Variants in CLYBL observed in about 807,000 individuals in gnomAD.
CLYBL encodes the protein citramalyl-CoA lyase, mitochondrial.
A neutral mutation model predicts 38.9 loss-of-function variants in CLYBL; 31 were observed. That is an observed-to-expected ratio of 0.80 (90% CI 0.60 to 1.08). The LOEUF is 1.08. Ranked by LOEUF, CLYBL falls within the 50% of genes least tolerant of loss-of-function variation. The pLI is 0.00. For missense variants in CLYBL, 434 were observed against 411.6 expected, an observed-to-expected ratio of 1.05 and a Z score of -0.47; for synonymous variants, 171 against 158.6, an observed-to-expected ratio of 1.08 and a Z score of -0.59.
intron 1 of CLYBL, among the ~76,000 whole-genome samples, chr13:99,610,142 A>G (rs1315114195): frequency 6.6e-6 from 1 of 152,090 alleles, no homozygotes; most frequent in Non-Finnish European, 1.5e-5. Flanking sequence ...GGTTCAAATG[A>G]TTTTCTTGCC....
chr13:99,840,168 C>T (rs761872710), intron 2 of CLYBL, among the ~76,000 whole-genome samples: 2 of 151,676 alleles, frequency 1.3e-5, no homozygotes, highest in Non-Finnish European at 2.9e-5. Context: ...CTGCGATGGT[C>T]AGAGACACCA....
intron 1 of CLYBL, among the ~76,000 whole-genome samples, chr13:99,697,515 G>A (rs1057411593): frequency 1.3e-5 from 2 of 151,634 alleles, no homozygotes; most frequent in African/African-American, 2.4e-5. Context: ...TTACAGGCAC[G>A]TGCCACCACA....
chr13:99,841,745 A>C (rs1594215173), intron 2 of CLYBL, among the ~76,000 whole-genome samples: 1 of 151,968 alleles, frequency 6.6e-6, no homozygotes, highest in Non-Finnish European at 1.5e-5. Flanking sequence ...GAACCTTCCT[A>C]AATAAGACCC....
At chr13:99,613,031 A>T (rs897016047) in intron 1 of CLYBL, among the ~76,000 whole-genome samples, 1 of 90,086 alleles carries the variant, frequency 1.1e-5, no homozygotes, top group African/African-American at 5.8e-5. Context: ...TGATGATAAT[A>T]ATAATAATAA....
chr13:99,782,506 G>A (rs1321577291), intron 2 of CLYBL, among the ~76,000 whole-genome samples: 2 of 151,754 alleles, frequency 1.3e-5, no homozygotes, highest in East Asian at 3.9e-4. Flanking sequence ...CTCTGTCTTG[G>A]GGGGAAAAAA....
chr13:99,824,270 A>T (rs896675315), intron 2 of CLYBL, among the ~76,000 whole-genome samples: 5 of 71,130 alleles, frequency 7.0e-5, no homozygotes, highest in African/African-American at 2.1e-4. Flanking sequence ...CCCCCCACCC[A>T]CCCCCAGCTA....
intron 1 of CLYBL, among the ~76,000 whole-genome samples, chr13:99,688,437 A>G (rs747180122): frequency 2.3e-4 from 35 of 152,204 alleles, no homozygotes; most frequent in Non-Finnish European, 4.7e-4. Flanking sequence ...GATTGCCTTA[A>G]ATGTATTGCC....
At chr13:99,748,633 G>T (rs1398590605) in intron 1 of CLYBL, among the ~76,000 whole-genome samples, 1 of 150,808 alleles carries the variant, frequency 6.6e-6, no homozygotes, top group Non-Finnish European at 1.5e-5. Context: ...TAGAGATGGG[G>T]TTTCACCATG....
chr13:99,770,536 C>T (rs367703098), intron 1 of CLYBL, among the ~76,000 whole-genome samples: 1 of 152,074 alleles, frequency 6.6e-6, no homozygotes, highest in Non-Finnish European at 1.5e-5. Flanking sequence ...CGAGGATATT[C>T]TGGATCTCCT....
chr13:99,688,550 G>A (rs1414403086), intron 1 of CLYBL, among the ~76,000 whole-genome samples: 2 of 150,994 alleles, frequency 1.3e-5, no homozygotes, highest in East Asian at 3.9e-4. Flanking sequence ...ATCTGAATTA[G>A]CATATTTACT....
At chr13:99,893,987 C>T (rs2052538813), downstream of CLYBL, 2 of 152,246 alleles carry the variant, frequency 1.3e-5, no homozygotes, top group African/African-American at 4.8e-5. Flanking sequence ...CCCATGGTCC[C>T]TATTAGGGTA....
chr13:99,883,008 G>A (rs942395171), intron 7 of CLYBL, among the ~76,000 whole-genome samples: 8 of 152,020 alleles, frequency 5.3e-5, no homozygotes, highest in Non-Finnish European at 8.8e-5. Context: ...CTTCCCCATC[G>A]TTGGATCCTC....
intron 1 of CLYBL, among the ~76,000 whole-genome samples, chr13:99,626,811 C>G (rs1315284237): frequency 6.6e-6 from 1 of 152,008 alleles, no homozygotes. Flanking sequence ...TTCCAGTAAT[C>G]TACCCGATTG....
rs144463308 is a variant in CLYBL at position 99,725,329 on chromosome 13, G to A, written c.63-47495G>A. Among the ~76,000 whole-genome samples the A allele has an allele frequency of 5.9e-3, 898 of 152,272 alleles. 21 individuals carry two copies. The highest frequency in any genetic ancestry group is 0.041 in the Admixed American group (624 of 15,290). The stretch of plus-strand genomic sequence containing the variant: ...TTCTGGACCTGCTTCTTACTCAGAA[G>A]CTCACAGCTTGGGTAAGTTTCAGGA... On this transcript the variant is annotated intron_variant, in intron 1 of 8. Coordinates refer to ENST00000339105, the MANE Select transcript of CLYBL (RefSeq NM_206808.5).
chr13:99,897,908 C>G (rs565860251), downstream of CLYBL, among the ~76,000 whole-genome samples: 15 of 151,848 alleles, frequency 9.9e-5, no homozygotes, highest in African/African-American at 3.6e-4. Context: ...CCACTGCACT[C>G]CAGCCTGGGC....
chr13:99,760,382 C>T (rs1005893706), intron 1 of CLYBL, among the ~76,000 whole-genome samples: 5 of 152,202 alleles, frequency 3.3e-5, no homozygotes, highest in Admixed American at 3.3e-4. Context: ...TTTATTTCTT[C>T]ATGTGGGTCC....
Position 99,787,295 on chromosome 13 carries a change from T to A in CLYBL, c.249+14285T>A, listed in dbSNP as rs1425893258. On this transcript the variant is annotated intron_variant, in intron 2 of 8. Coordinates refer to ENST00000339105, the MANE Select transcript of CLYBL (RefSeq NM_206808.5). The stretch of plus-strand genomic sequence containing the variant: ...GCCCATGCCTATGTCCTGAATGGTA[T>A]CGCCTAGGTTTTCTTCTAGGGTTTT... Among the ~76,000 whole-genome samples, 11 of 152,366 alleles carry A rather than the reference T, an allele frequency of 7.2e-5. No individual in the cohort carries two copies. The East Asian group carries it at 1.7e-3, about 24-fold the overall frequency.
chr13:99,884,285 A>G (rs1047559116), intron 7 of CLYBL, among the ~76,000 whole-genome samples: 1 of 152,242 alleles, frequency 6.6e-6, no homozygotes, highest in Non-Finnish European at 1.5e-5. Context: ...GGGTGAGCTC[A>G]GAGCTGGAAA....
intron 1 of CLYBL, among the ~76,000 whole-genome samples, chr13:99,682,244 A>G (rs959916013): frequency 1.3e-5 from 2 of 151,924 alleles, no homozygotes; most frequent in African/African-American, 4.8e-5. Context: ...CCTGGGTTCA[A>G]GTGATTCTCC....
Sources: gnomAD v4.1 joint callset for allele counts (sites outside exome capture counted in the v4.1 genomes callset) on GRCh38, gnomAD v4.1.1 for gene constraint, MANE v1.5 for transcripts, NCBI Gene and HGNC (gene_info 2026-07-23, HGNC 2026-07-21) for gene names.